PRKCB: variants seen among roughly 807,000 people sequenced by gnomAD.
The protein encoded by PRKCB is protein kinase C beta type.
In PRKCB, 13 loss-of-function variants were observed where a neutral mutation model predicts 81.5. The observed-to-expected ratio is 0.16, with a 90% CI of 0.10 to 0.25. PRKCB has a LOEUF of 0.25. Among genes scored for constraint, PRKCB ranks in the 10% least tolerant of loss-of-function variants. The probability of loss-of-function intolerance (pLI) is 1.00; values close to 1 mark genes in which losing one functional copy is unlikely to be tolerated. For missense variants in PRKCB, 509 were observed against 875.7 expected, an observed-to-expected ratio of 0.58 and a Z score of 5.29; for synonymous variants, 335 against 321.4, an observed-to-expected ratio of 1.04 and a Z score of -0.45.
intron 4 of PRKCB, among the ~76,000 whole-genome samples, chr16:24,033,072 G>A (rs549956230): frequency 5.9e-5 from 9 of 152,328 alleles, no homozygotes; most frequent in South Asian, 4.1e-4. Flanking sequence ...GCCAAGGCCC[G>A]GATGGCCTGT....
chr16:23,928,712 T>C (rs1432499688), intron 2 of PRKCB, among the ~76,000 whole-genome samples: 1 of 151,644 alleles, frequency 6.6e-6, no homozygotes, highest in Admixed American at 6.6e-5. Context: ...GGTTTTGTTT[T>C]GTTTTGTTTG....
At chr16:23,916,597 T>C (rs562606437) in intron 2 of PRKCB, among the ~76,000 whole-genome samples, 1 of 152,314 alleles carries the variant, frequency 6.6e-6, no homozygotes, top group South Asian at 2.1e-4. Flanking sequence ...AATACCAATT[T>C]ATTGTGTATA....
chr16:24,089,985 G>T (rs34489380), intron 5 of PRKCB, among the ~76,000 whole-genome samples: 8,396 of 152,124 alleles, frequency 0.055, 678 homozygotes, highest in African/African-American at 0.18. Flanking sequence ...AGAAATTGAG[G>T]TTCATATGTG....
chr16:24,126,202 G>C (rs1966844002), intron 9 of PRKCB, among the ~76,000 whole-genome samples: 1 of 151,772 alleles, frequency 6.6e-6, no homozygotes, highest in African/African-American at 2.4e-5. Context: ...GTCATCACCT[G>C]GGTGGGAAAA....
intron 5 of PRKCB, among the ~76,000 whole-genome samples, chr16:24,078,849 G>T (rs1003442825): frequency 6.6e-6 from 1 of 152,122 alleles, no homozygotes; most frequent in African/African-American, 2.4e-5. Context: ...CAGGGAAACC[G>T]CTGTAGAAAA....
chr16:24,025,194 A>C (rs533864526), intron 3 of PRKCB, among the ~76,000 whole-genome samples: 8 of 152,358 alleles, frequency 5.3e-5, no homozygotes. Flanking sequence ...TTCCTAAAAT[A>C]GCATGTTTAT....
chr16:24,043,794 T>C (rs1039677992), intron 5 of PRKCB, among the ~76,000 whole-genome samples: 4 of 152,192 alleles, frequency 2.6e-5, no homozygotes, highest in Non-Finnish European at 5.9e-5. Context: ...TGCATTGAAG[T>C]GGGCACTGCT....
At chr16:24,124,563 C>T (rs896820049) in intron 9 of PRKCB, among the ~76,000 whole-genome samples, 9 of 152,146 alleles carry the variant, frequency 5.9e-5, no homozygotes, top group African/African-American at 1.9e-4. Flanking sequence ...CAAACAGTTG[C>T]ACAGTGGAAG....
chr16:24,001,143 C>T (rs1011114971), intron 3 of PRKCB, among the ~76,000 whole-genome samples: 1 of 152,208 alleles, frequency 6.6e-6, no homozygotes, highest in Non-Finnish European at 1.5e-5. Context: ...AGGTTACCCT[C>T]TGACCTGCCA....
intron 2 of PRKCB, among the ~76,000 whole-genome samples, chr16:23,932,144 A>G (rs1292623316): frequency 6.6e-6 from 1 of 152,218 alleles, no homozygotes; most frequent in Non-Finnish European, 1.5e-5. Flanking sequence ...AGTGTGAAAA[A>G]AATAGAATTA....
At position 24,021,343 on chromosome 16, in the gene PRKCB, CT is replaced by C. The variant is rs1965397872; in HGVS notation, c.289-10791del. Among the ~76,000 whole-genome samples the C allele has an allele frequency of 7.6e-4, 57 of 74,630 alleles. 6 individuals are homozygous for C. Among genetic ancestry groups the C allele is most frequent in the African/African-American group, 3.2e-3 (47 of 14,520 alleles). 49.0% of individuals were successfully genotyped at this position (74,630 alleles called of 152,430 possible). ...CCTTCCTTCCTTCCTTCCTTCCTTC[CT>C]TCCTTCCTTCCTCCTTCCCTCCCTC... On this transcript the variant is annotated intron_variant, in intron 3 of 16. Coordinates refer to ENST00000643927, the MANE Select transcript of PRKCB (RefSeq NM_002738.7).
chr16:24,218,860 G>T lies in PRKCB; in HGVS notation c.*4044G>T, dbSNP rs1358532999. Reference sequence around the variant, plus strand: ...CTTGTAATAAAACAGCCATGGGGTTGTCCCTCCAGTCCGAGAGACTGTGAT... The same window carrying T: ...CTTGTAATAAAACAGCCATGGGGTTTTCCCTCCAGTCCGAGAGACTGTGAT... On this transcript the variant is annotated 3_prime_UTR_variant, in exon 17 of 17. Coordinates refer to ENST00000643927, the MANE Select transcript of PRKCB (RefSeq NM_002738.7). 3.0e-6 allele frequency: 3 copies of T among 985,314 alleles called. No homozygotes were observed. Among genetic ancestry groups the T allele is most frequent in the Non-Finnish European group, 3.6e-6 (3 of 829,956 alleles). 61.0% of individuals were successfully genotyped at this position (985,314 alleles called of 1,614,324 possible).
At chr16:23,957,816 G>A (rs1473295834) in intron 2 of PRKCB, among the ~76,000 whole-genome samples, 2 of 151,944 alleles carry the variant, frequency 1.3e-5, no homozygotes, top group Non-Finnish European at 2.9e-5. Flanking sequence ...GCACCTTCAG[G>A]GATTGCAAAT....
At chr16:23,960,086 A>G (rs1050138610) in intron 2 of PRKCB, among the ~76,000 whole-genome samples, 4 of 152,118 alleles carry the variant, frequency 2.6e-5, no homozygotes, top group African/African-American at 9.7e-5. Context: ...GAGGTGAGGG[A>G]TGGTGCAGGA....
At chr16:24,200,106 T>A (rs1305408868) in intron 16 of PRKCB, among the ~76,000 whole-genome samples, 1 of 152,204 alleles carries the variant, frequency 6.6e-6, no homozygotes, top group Non-Finnish European at 1.5e-5. Context: ...ATTTGTTCCT[T>A]AGGGCTTTGA....
chr16:24,020,970 T>TTTTA (rs1491246047), intron 3 of PRKCB, among the ~76,000 whole-genome samples: 1 of 120,466 alleles, frequency 8.3e-6, no homozygotes, highest in Non-Finnish European at 1.7e-5. Flanking sequence ...TGAGAGAGAC[T>TTTTA]TTTCTTTTTC....
intron 2 of PRKCB, among the ~76,000 whole-genome samples, chr16:23,857,692 T>C (rs1567291736): frequency 6.6e-6 from 1 of 151,528 alleles, no homozygotes; most frequent in Non-Finnish European, 1.5e-5. Context: ...TTGTCCCTGC[T>C]TGAGGATGTG....
chr16:23,901,244 T>C (rs534860349), intron 2 of PRKCB, among the ~76,000 whole-genome samples: 1 of 152,226 alleles, frequency 6.6e-6, no homozygotes, highest in African/African-American at 2.4e-5. Flanking sequence ...AGCAAGAGCC[T>C]CTCTCTCTGC....
intron 7 of PRKCB, among the ~76,000 whole-genome samples, chr16:24,101,826 A>C (rs1966512008): frequency 6.6e-6 from 1 of 152,218 alleles, no homozygotes; most frequent in Non-Finnish European, 1.5e-5. Context: ...AGCAGGGAAG[A>C]AAAAAACGGC....
Sources: allele counts gnomAD v4.1 joint callset (sites outside exome capture counted in the v4.1 genomes callset), GRCh38; gene constraint gnomAD v4.1.1; transcripts MANE v1.5; gene names NCBI Gene and HGNC (gene_info 2026-07-23, HGNC 2026-07-21).